Variants in JAKMIP1 observed in about 807,000 individuals in gnomAD.
JAKMIP1 encodes janus kinase and microtubule-interacting protein 1.
Under a neutral mutation model 113.0 loss-of-function variants are expected in JAKMIP1, and 33 were observed. The observed-to-expected ratio is 0.29, with a 90% CI of 0.22 to 0.39. The LOEUF (loss-of-function observed/expected upper bound fraction) is 0.39, where lower values mean the gene tolerates loss of function less well. JAKMIP1 is among the 10% of genes least tolerant of loss of function. The pLI, the probability that JAKMIP1 is intolerant of heterozygous loss-of-function variation, is 1.00. For missense variants in JAKMIP1, 813 were observed against 1,080.5 expected, an observed-to-expected ratio of 0.75 and a Z score of 3.47; for synonymous variants, 480 against 459.9, an observed-to-expected ratio of 1.04 and a Z score of -0.56.
intron 3 of JAKMIP1, among the ~76,000 whole-genome samples, chr4:6,102,722 CTTTTTTTTTTTTTTTTTT>C (rs1191358910): frequency 2.0e-5 from 1 of 50,820 alleles, no homozygotes; most frequent in Non-Finnish European, 3.2e-5. Flanking sequence ...TCTCTAAAGA[CTTTTTTTTTTTTTTTTTT>C]TTTTTTTTTT....
At position 6,093,971 on chromosome 4, in the gene JAKMIP1, C is replaced by T. The variant is rs1263098182; in HGVS notation, c.625-8342G>A. Among the ~76,000 whole-genome samples the T allele has an allele frequency of 1.3e-5, 2 of 151,992 alleles. No homozygotes were observed. Among genetic ancestry groups the T allele is most frequent in the Non-Finnish European group, 2.9e-5 (2 of 68,014 alleles). On this transcript the variant is annotated intron_variant, in intron 3 of 20. Coordinates refer to ENST00000409021, the MANE Select transcript of JAKMIP1 (RefSeq NM_001099433.2). This position sits in a 1 kb window ranked among gnomAD's most constrained non-coding sequence, Gnocchi z 4.6. ...CTCGGCTGGGCAGTCCCCAGATGTC[C>T]TGCCCTTCACCTCCCAAGCAGAGAT...
At position 6,167,685 on chromosome 4, in the gene JAKMIP1, G is replaced by A. The variant is rs1224383215; in HGVS notation, c.-148+32568C>T. Among the ~76,000 whole-genome samples, 1 of 152,172 alleles carries A rather than the reference G, an allele frequency of 6.6e-6. No individual in the cohort carries two copies. Among genetic ancestry groups the A allele is most frequent in the Non-Finnish European group, 1.5e-5 (1 of 68,020 alleles). On this transcript the variant is annotated intron_variant, in intron 1 of 20. Transcript: ENST00000409021. This position sits in a 1 kb window ranked among gnomAD's most constrained non-coding sequence, Gnocchi z 5.3. ...CCGGGCACTGAGCTTAGAGTGACAC[G>A]TGTCAGCTCCCTCCACCCCACCATG... is the stretch of plus-strand genomic sequence containing the variant.
Position 6,142,054 on chromosome 4 carries a change from C to T in JAKMIP1, c.-147-29057G>A, listed in dbSNP as rs574162181. Reference sequence around the variant, plus strand: ...CTGACTTCCTTCTGGGCTGCTTTTCCAGGGGCAGTTTTTACTTAAACTCAT... The same window carrying T: ...CTGACTTCCTTCTGGGCTGCTTTTCTAGGGGCAGTTTTTACTTAAACTCAT... On this transcript the variant is annotated intron_variant, in intron 1 of 20. Coordinates refer to ENST00000409021, the MANE Select transcript of JAKMIP1 (RefSeq NM_001099433.2). This position sits in a 1 kb window ranked among gnomAD's most constrained non-coding sequence, Gnocchi z 5.5. 2.4e-4 allele frequency among the ~76,000 whole-genome samples: 35 copies of T among 145,142 alleles called. 1 individual carries two copies. The South Asian group carries it at 7.9e-3, about 33-fold the overall frequency.
rs1489624632 is a variant in JAKMIP1, at chr4:6,080,359, T to G, written c.1102-47A>C. The G allele has an allele frequency of 6.2e-7, 1 of 1,600,984 alleles. No homozygotes were observed. Among genetic ancestry groups the G allele is most frequent in the Admixed American group, 1.7e-5 (1 of 59,056 alleles). On this transcript the variant is annotated intron_variant, in intron 6 of 20. Transcript: ENST00000409021. The surrounding 1 kb of genome is among the most constrained non-coding windows in gnomAD (Gnocchi z 6.0). The stretch of plus-strand genomic sequence containing the variant: ...CCACCACAGGGTTACCCGCCAACAG[T>G]GTTTGTTAGGGACAGTGCTGGAGTG...
At position 6,150,998 on chromosome 4, in the gene JAKMIP1, C is replaced by G. The variant is rs75768372; in HGVS notation, c.-147-38001G>C. Among the ~76,000 whole-genome samples the G allele has an allele frequency of 0.042, 6,389 of 152,136 alleles. 397 individuals carry two copies. Among genetic ancestry groups the G allele is most frequent in the African/African-American group, 0.13 (5,581 of 41,472 alleles). On this transcript the variant is annotated intron_variant, in intron 1 of 20. Transcript: ENST00000409021. This position sits in a 1 kb window ranked among gnomAD's most constrained non-coding sequence, Gnocchi z 4.8. ...GTGAAGGCTGCTGGGGATGGCAGCT[C>G]TTTCTCCCCAAGCTTTGGCTTCTAT...
In JAKMIP1 at chr4:6,186,565, T is replaced by A. The variant is rs1046467540; in HGVS notation, c.-148+13688A>T. On this transcript the variant is annotated intron_variant, in intron 1 of 20. Transcript: ENST00000409021. The surrounding 1 kb of genome is among the most constrained non-coding windows in gnomAD (Gnocchi z 5.5). ...GTTTGCTTGTTTTCTCTCCTTTTAA[T>A]TTTATTGAGGTTGTATTAGGGCCTA... Among the ~76,000 whole-genome samples, 1 of 152,182 alleles carries A rather than the reference T, an allele frequency of 6.6e-6. No homozygotes were observed. The highest frequency in any genetic ancestry group is 2.4e-5 in the African/African-American group (1 of 41,452).
chr4:6,049,068 C>T lies in JAKMIP1; in HGVS notation c.1963-146G>A. 2 of 660,414 alleles carry T rather than the reference C, an allele frequency of 3.0e-6. No homozygotes were observed. The highest frequency in any genetic ancestry group is 5.6e-5 in the East Asian group (2 of 35,940). 40.9% of individuals were successfully genotyped at this position (660,414 alleles called of 1,614,324 possible). A position where few individuals can be genotyped will look rare whatever the true frequency, so the allele number is the denominator to read the frequency against. ...TTTGAGACGGAGTCTCTCTCTGTCA[C>T]CTGGGTTTGAGTGCAGTGGTGTGAT... On this transcript the variant is annotated intron_variant, in intron 15 of 20. Coordinates refer to ENST00000409021, the MANE Select transcript of JAKMIP1 (RefSeq NM_001099433.2). The surrounding 1 kb of genome is among the most constrained non-coding windows in gnomAD (Gnocchi z 7.0).
chr4:6,117,331 C>T (rs111663186), intron 1 of JAKMIP1, among the ~76,000 whole-genome samples: 13 of 152,210 alleles, frequency 8.5e-5, no homozygotes, highest in African/African-American at 2.9e-4. Context: ...CCGGGGGAGA[C>T]ATCACTCATT....
intron 1 of JAKMIP1, among the ~76,000 whole-genome samples, chr4:6,175,480 G>C (rs1050499714): frequency 2.0e-5 from 3 of 152,218 alleles, no homozygotes; most frequent in African/African-American, 7.2e-5. Context: ...AATTTTCAAA[G>C]TTCCCAGTAG....
At chr4:6,196,688 G>A (rs895347573) in intron 1 of JAKMIP1, among the ~76,000 whole-genome samples, 1 of 152,066 alleles carries the variant, frequency 6.6e-6, no homozygotes, top group East Asian at 1.9e-4. Flanking sequence ...GTGAAACCCT[G>A]TCTCTACTAA....
chr4:6,128,486 A>AG (rs2108929911), intron 1 of JAKMIP1, among the ~76,000 whole-genome samples: 1 of 152,260 alleles, frequency 6.6e-6, no homozygotes, highest in African/African-American at 2.4e-5. Flanking sequence ...TATTGGCACA[A>AG]GGTCCAAGCC....
intron 3 of JAKMIP1, among the ~76,000 whole-genome samples, chr4:6,096,435 G>C (rs952461200): frequency 6.6e-5 from 10 of 152,250 alleles, no homozygotes; most frequent in African/African-American, 2.4e-4. Context: ...TTTAAAGACT[G>C]TTTCCCAGGC....
rs1241224600 is a variant in JAKMIP1 at position 6,064,937 on chromosome 4, G to C, written c.1374C>G (p.Ser458=). The change falls in exon 9 of 21, where the codon TCC becomes TCG. Residue 458 remains serine (S), a synonymous_variant. Transcript: ENST00000409021. This position sits in a 1 kb window ranked among gnomAD's most constrained non-coding sequence, Gnocchi z 4.3. ...TCCTGTCTGTCCTGTCTGTGTTGTA[G>C]GATGTTTCGGACAACGTTTCTGAGT... ...SVDSETLSET[S]YNTDRTDRTP... 1.2e-6 allele frequency: 2 copies of C among 1,614,106 alleles called. No individual in the cohort carries two copies. The highest frequency in any genetic ancestry group is 2.2e-5 in the South Asian group (2 of 91,076).
chr4:6,115,435 A>G (rs886983695), intron 1 of JAKMIP1, among the ~76,000 whole-genome samples: 3 of 152,176 alleles, frequency 2.0e-5, no homozygotes, highest in African/African-American at 7.2e-5. Flanking sequence ...ATAAAAAACA[A>G]ATACAATTTA....
intron 1 of JAKMIP1, among the ~76,000 whole-genome samples, chr4:6,119,525 C>T (rs1716382764): frequency 6.6e-6 from 1 of 151,320 alleles, no homozygotes; most frequent in African/African-American, 2.4e-5. Context: ...GCCTGGACAA[C>T]AAGAGCAAAA....
chr4:6,101,782 T>C (rs953139164), intron 3 of JAKMIP1, among the ~76,000 whole-genome samples: 4 of 150,264 alleles, frequency 2.7e-5, no homozygotes, highest in Non-Finnish European at 4.4e-5. Flanking sequence ...GGCAGGCATC[T>C]GTAATCCCAG....
At chr4:6,075,767 C>T (rs1382050098) in intron 8 of JAKMIP1, among the ~76,000 whole-genome samples, 2 of 152,216 alleles carry the variant, frequency 1.3e-5, no homozygotes, top group Non-Finnish European at 2.9e-5. Context: ...AATGAACAGG[C>T]CACAGTGGGC....
chr4:6,060,857 T>C (rs1381103705), intron 10 of JAKMIP1, among the ~76,000 whole-genome samples: 1 of 152,226 alleles, frequency 6.6e-6, no homozygotes, highest in East Asian at 1.9e-4. Context: ...TCTGACCAAG[T>C]CCAATCCTTA....
chr4:6,173,020 G>A (rs1673443321), intron 1 of JAKMIP1, among the ~76,000 whole-genome samples: 1 of 152,232 alleles, frequency 6.6e-6, no homozygotes, highest in South Asian at 2.1e-4. Flanking sequence ...TTCAATGTTA[G>A]CAGGAGGCTA....
Sources: allele counts gnomAD v4.1 joint callset (sites outside exome capture counted in the v4.1 genomes callset), GRCh38; gene constraint gnomAD v4.1.1; non-coding constraint Gnocchi (gnomAD v3.1); transcripts MANE v1.5; gene names NCBI Gene and HGNC (gene_info 2026-07-23, HGNC 2026-07-21).